The following NRF1 variants were observed in gnomAD, a reference collection of about 807,000 sequenced individuals.
NRF1 encodes nuclear respiratory factor 1, also known as alpha palindromic-binding protein.
NRF1 carries 5 observed loss-of-function variants against 58.5 expected under a neutral mutation model. The ratio of observed to expected loss-of-function variants is 0.09; its 90% CI spans 0.04 to 0.18. NRF1 has a LOEUF of 0.18. Ranked by LOEUF, NRF1 falls within the 10% of genes least tolerant of loss-of-function variation. The pLI is 1.00. For synonymous variants in NRF1, 224 were observed against 246.7 expected, an observed-to-expected ratio of 0.91 and a Z score of 0.86; for missense variants, 288 against 657.7, an observed-to-expected ratio of 0.44 and a Z score of 6.15.
chr7:129,657,595 A>G, intron 2 of NRF1, 21 bp downstream of exon 2: 4 of 1,479,786 alleles, frequency 2.7e-6, no homozygotes, highest in Admixed American at 2.0e-5. Context: ...TTGGATTAGA[A>G]GCTCTTCTTT....
chr7:129,702,001 C>T (rs568481477), intron 5 of NRF1, among the ~76,000 whole-genome samples: 1 of 152,028 alleles, frequency 6.6e-6, no homozygotes, highest in Non-Finnish European at 1.5e-5. Flanking sequence ...TTGTGTTTTT[C>T]TTTAATCACA....
intron 4 of NRF1, among the ~76,000 whole-genome samples, chr7:129,687,837 A>G (rs1378889669): frequency 2.0e-5 from 3 of 152,246 alleles, no homozygotes; most frequent in Non-Finnish European, 4.4e-5. Flanking sequence ...AGATAGAATT[A>G]AAACATGAGG....
At chr7:129,645,810 C>A (rs1801393072) in intron 1 of NRF1, among the ~76,000 whole-genome samples, 1 of 152,148 alleles carries the variant, frequency 6.6e-6, no homozygotes, top group Non-Finnish European at 1.5e-5. Flanking sequence ...CTTCTCACTT[C>A]TAAGTGTCCC....
At chr7:129,636,749 G>GT (rs1402240035) in intron 1 of NRF1, among the ~76,000 whole-genome samples, 1 of 152,136 alleles carries the variant, frequency 6.6e-6, no homozygotes, top group African/African-American at 2.4e-5. Flanking sequence ...GCTGATTCTA[G>GT]TTTGTGTTGC....
At chr7:129,673,703 C>T (rs1359401571) in intron 3 of NRF1, among the ~76,000 whole-genome samples, 42 of 103,156 alleles carry the variant, frequency 4.1e-4, no homozygotes, top group Admixed American at 1.2e-3. Flanking sequence ...GGCGACAGAG[C>T]GAGACTCCGT....
At chr7:129,632,481 A>C (rs564946661) in intron 1 of NRF1, among the ~76,000 whole-genome samples, 1 of 152,290 alleles carries the variant, frequency 6.6e-6, no homozygotes, top group African/African-American at 2.4e-5. Flanking sequence ...CCTACTACCT[A>C]AAGTAATAAA....
At chr7:129,707,301 G>C (rs1802972198) in intron 5 of NRF1, among the ~76,000 whole-genome samples, 1 of 151,988 alleles carries the variant, frequency 6.6e-6, no homozygotes, top group Non-Finnish European at 1.5e-5. Flanking sequence ...ACCCACTTTA[G>C]GATTTTGTTA....
chr7:129,623,185 G>A (rs915216603), intron 1 of NRF1, among the ~76,000 whole-genome samples: 3 of 152,100 alleles, frequency 2.0e-5, no homozygotes, highest in African/African-American at 7.2e-5. Flanking sequence ...ATATTAACTT[G>A]CTTTTTCTTG....
intron 4 of NRF1, among the ~76,000 whole-genome samples, chr7:129,687,856 T>C (rs1348144997): frequency 2.0e-5 from 3 of 152,224 alleles, no homozygotes; most frequent in African/African-American, 7.2e-5. Context: ...GGTCAGTAAT[T>C]CTGAGAAGGT....
At chr7:129,653,171 A>G (rs952447481) in intron 1 of NRF1, among the ~76,000 whole-genome samples, 1 of 152,198 alleles carries the variant, frequency 6.6e-6, no homozygotes, top group African/African-American at 2.4e-5. Flanking sequence ...AGAATCATAC[A>G]GTATTTGTTC....
chr7:129,624,929 T>C (rs1004377674), intron 1 of NRF1, among the ~76,000 whole-genome samples: 1 of 152,214 alleles, frequency 6.6e-6, no homozygotes, highest in African/African-American at 2.4e-5. Flanking sequence ...CAATAGGGAA[T>C]GCTGGAGAGA....
chr7:129,734,803 G>A (rs1398441113), intron 10 of NRF1, among the ~76,000 whole-genome samples: 1 of 152,174 alleles, frequency 6.6e-6, no homozygotes, highest in Non-Finnish European at 1.5e-5. Flanking sequence ...GGAAACTAAG[G>A]GGAAGTAGAT....
chr7:129,717,441 C>A, intron 9 of NRF1, 65 bp downstream of exon 9: 1 of 1,496,830 alleles, frequency 6.7e-7, no homozygotes, highest in Non-Finnish European at 9.0e-7. Context: ...TGGGTGGAGG[C>A]CCCTTAAAGA....
intron 10 of NRF1, among the ~76,000 whole-genome samples, chr7:129,753,795 A>G (rs1804180315): frequency 1.3e-5 from 2 of 152,146 alleles, no homozygotes; most frequent in South Asian, 2.1e-4. Context: ...AGAAATCAGG[A>G]AACAAGTGAC....
At chr7:129,695,507 C>T (rs992281713) in intron 5 of NRF1, among the ~76,000 whole-genome samples, 4 of 149,440 alleles carry the variant, frequency 2.7e-5, no homozygotes, top group Non-Finnish European at 4.4e-5. Context: ...CCCTGGGAGG[C>T]GGAGGTTACA....
At chr7:129,710,665 C>T in intron 7 of NRF1, 94 bp downstream of exon 7, 1 of 724,906 alleles carries the variant, frequency 1.4e-6, no homozygotes, top group South Asian at 1.5e-5. Flanking sequence ...TGTGCGAACT[C>T]TTGTATGAAC....
chr7:129,735,730 CGG>C (rs1263701929), intron 10 of NRF1, among the ~76,000 whole-genome samples: 5 of 150,936 alleles, frequency 3.3e-5, no homozygotes, highest in Admixed American at 3.3e-4. Context: ...ATAAGACCAC[CGG>C]GCGCGGTGGC....
intron 10 of NRF1, among the ~76,000 whole-genome samples, chr7:129,742,285 AAAAAAAAC>A (rs1259869268): frequency 1.1e-4 from 17 of 151,460 alleles, no homozygotes; most frequent in Non-Finnish European, 1.8e-4. Flanking sequence ...TAAAAAAAAA[AAAAAAAAC>A]AAAAAACTTT....
chr7:129,682,850 C>A (rs1213485001), intron 4 of NRF1, among the ~76,000 whole-genome samples: 1 of 7,578 alleles, frequency 1.3e-4, no homozygotes, highest in Non-Finnish European at 2.4e-4. Flanking sequence ...AGCATTGACA[C>A]CTTACAAGGG....
Sources: allele counts gnomAD v4.1 joint callset (sites outside exome capture counted in the v4.1 genomes callset), GRCh38; gene constraint gnomAD v4.1.1; transcripts MANE v1.5; gene names NCBI Gene and HGNC (gene_info 2026-07-23, HGNC 2026-07-21).